Variants in HAGHL observed in about 807,000 individuals in gnomAD.
HAGHL encodes hydroxyacylglutathione hydrolase-like protein.
HAGHL carries 27 observed loss-of-function variants against 29.2 expected under a neutral mutation model. The ratio of observed to expected loss-of-function variants is 0.92; its 90% CI spans 0.68 to 1.27. The LOEUF is 1.27. Ranked by LOEUF, HAGHL falls within the 50% of genes most tolerant of loss-of-function variation. The probability of loss-of-function intolerance (pLI) is 0.00; values close to 1 mark genes in which losing one functional copy is unlikely to be tolerated. For missense variants in HAGHL, 529 were observed against 405.5 expected (o/e 1.30, Z -2.62); for synonymous variants, 223 against 185.7 (o/e 1.20, Z -1.63).
chr16:727,455 C>A lies in HAGHL; in HGVS notation c.-55C>A. Reference sequence around the variant, plus strand: ...GAGCGGGCCCCGCCCTGAAGGGGCACCGTGGGCTGGGGGGCCTGTTTTGGA... The same window carrying A: ...GAGCGGGCCCCGCCCTGAAGGGGCAACGTGGGCTGGGGGGCCTGTTTTGGA... On this transcript the variant is annotated 5_prime_UTR_variant, in exon 1 of 8. Transcript: ENST00000389703. 1.8e-6 allele frequency: 2 copies of A among 1,097,756 alleles called. No homozygotes were observed. The highest frequency in any genetic ancestry group is 2.7e-6 in the Non-Finnish European group (2 of 733,078). 68.0% of individuals were successfully genotyped at this position (1,097,756 alleles called of 1,614,324 possible).
In HAGHL at chr16:728,534, C is replaced by T. The variant is rs374833821; in HGVS notation, c.428C>T (p.Ser143Leu). The part of the protein sequence containing the change: ...GDALSVAGCG[S>L]CLEGSAQQMY... The stretch of plus-strand genomic sequence containing the variant: ...GCGCTGTCGGTGGCCGGCTGCGGCT[C>T]GTGCCTGGAGGGCAGCGCCCAGCAG... Residue 143 changes from serine (S) to leucine (L), a missense_variant, in exon 5 of 8, where the codon TCG becomes TTG. Physicochemically the swap from Ser to Leu is moderately radical, Grantham distance 145. Transcript: ENST00000389703. 2.6e-6 allele frequency: 4 copies of T among 1,529,056 alleles called. No individual in the cohort carries two copies. Among genetic ancestry groups the T allele is most frequent in the East Asian group, 4.9e-5 (2 of 40,676 alleles). 94.7% of individuals were successfully genotyped at this position (1,529,056 alleles called of 1,614,324 possible). A position where few individuals can be genotyped will look rare whatever the true frequency, so the allele number is the denominator to read the frequency against.
chr16:729,513 C>T lies in HAGHL; in HGVS notation c.*57C>T, dbSNP rs886441109. The T allele has an allele frequency of 2.6e-6, 4 of 1,535,858 alleles. No individual in the cohort carries two copies. The highest frequency in any genetic ancestry group is 3.5e-6 in the Non-Finnish European group (4 of 1,146,222). On this transcript the variant is annotated 3_prime_UTR_variant, in exon 8 of 8. Coordinates refer to ENST00000389703, the MANE Select transcript of HAGHL (RefSeq NM_032304.4). ...CGTCCCTCCTCGTGACCTCGGCCAG[C>T]TGGACCCACATGAGGGCCACCTCTG...
chr16:727,771 C>T, intron 1 of HAGHL, 157 bp downstream of exon 1: 1 of 729,858 alleles, frequency 1.4e-6, no homozygotes. Flanking sequence ...GTTACGGCAC[C>T]TCTGGCCTCC....
Position 729,699 on chromosome 16 carries a change from T to A in HAGHL, c.*243T>A. On this transcript the variant is annotated 3_prime_UTR_variant, in exon 8 of 8. Coordinates refer to ENST00000389703, the MANE Select transcript of HAGHL (RefSeq NM_032304.4). ...GCACACGGGGCCTCCGAACTATGAA[T>A]AAAGCTTTGAAAGGCCGTTGTCAGT... The A allele has an allele frequency of 6.8e-7, 1 of 1,476,528 alleles. No individual in the cohort carries two copies. Among genetic ancestry groups the A allele is most frequent in the Non-Finnish European group, 8.9e-7 (1 of 1,118,904 alleles). The allele number at this position is 1,476,528 out of a possible 1,614,324, so 91.5% of individuals were successfully genotyped here. A position where few individuals can be genotyped will look rare whatever the true frequency, so the allele number is the denominator to read the frequency against.
In HAGHL at chr16:728,853, G is replaced by A. The variant is rs150685824; in HGVS notation, c.558G>A (p.Glu186=). The change falls in exon 6 of 8, where the codon GAG becomes GAA. Residue 186 remains glutamate, a synonymous_variant. Coordinates refer to ENST00000389703, the MANE Select transcript of HAGHL (RefSeq NM_032304.4). ...ACCTGGAGTTTGCCCAGAAAGTGGA[G>A]CCCTGCAACGACCACGTGAGAGCCA... ...LSNLEFAQKV[E]PCNDHVRAKL... 3.5e-5 allele frequency: 55 copies of A among 1,579,120 alleles called. No individual in the cohort carries two copies. The African/African-American group carries it at 6.8e-4, about 20-fold the overall frequency.
chr16:728,878 A>C lies in HAGHL; in HGVS notation c.583A>C (p.Lys195Gln). 1 of 1,534,516 alleles carries C rather than the reference A, an allele frequency of 6.5e-7. No homozygotes were observed. The highest frequency in any genetic ancestry group is 8.8e-7 in the Non-Finnish European group (1 of 1,131,938). ...GCCCTGCAACGACCACGTGAGAGCC[A>C]AGCTGTCCTGGGCTAAGGCACGGCC... ...VEPCNDHVRA[K>Q]LSWAKKRDED... is the part of the protein sequence containing the mutation. Residue 195 changes from lysine (K) to glutamine (Q), a missense_variant, in exon 6 of 8, where the codon AAG (lysine) becomes CAG (glutamine). Physicochemically the swap from Lys to Gln is moderately conservative, Grantham distance 53. Coordinates refer to ENST00000389703, the MANE Select transcript of HAGHL (RefSeq NM_032304.4).
Position 729,593 on chromosome 16 carries a change from C to T in HAGHL, c.*137C>T. The T allele has an allele frequency of 1.3e-6, 2 of 1,530,470 alleles. No homozygotes were observed. Among genetic ancestry groups the T allele is most frequent in the South Asian group, 1.2e-5 (1 of 83,016 alleles). The allele number at this position is 1,530,470 out of a possible 1,614,324, so 94.8% of individuals were successfully genotyped here. ...CTGCCCAGCCTCGGAGGGTGGGCAA[C>T]CTGGTGCTTCCCGGGTGGACACACA... On this transcript the variant is annotated 3_prime_UTR_variant, in exon 8 of 8. Coordinates refer to ENST00000389703, the MANE Select transcript of HAGHL (RefSeq NM_032304.4).
At position 729,401 on chromosome 16, in the gene HAGHL, C is replaced by G. The variant is rs2041236525; in HGVS notation, c.794C>G (p.Ala265Gly). The change falls in exon 8 of 8, where the codon GCG becomes GGG. Residue 265 changes from alanine to glycine, a missense_variant. Transcript: ENST00000389703. ...GCGGGCGAGCCGCGGCAGCCACAGGCGCGGGCCCTCCTTGCGCTGCAGTGG... is the reference window on the plus strand; with the variant it reads ...GCGGGCGAGCCGCGGCAGCCACAGGGGCGGGCCCTCCTTGCGCTGCAGTGG... ...EQAGEPRQPQ[A>G]RALLALQWGL... The G allele has an allele frequency of 6.5e-7, 1 of 1,530,004 alleles. No individual in the cohort carries two copies. 94.8% of individuals were successfully genotyped at this position (1,530,004 alleles called of 1,614,324 possible). A position where few individuals can be genotyped will look rare whatever the true frequency, so the allele number is the denominator to read the frequency against.
chr16:728,739 A>T (rs1274399894), intron 5 of HAGHL, 55 bp from the exon 6 acceptor site: 1 of 1,514,388 alleles, frequency 6.6e-7, no homozygotes, highest in African/African-American at 1.4e-5. Flanking sequence ...CCCCGGCGCA[A>T]GCACTTTCCC....
chr16:728,658 C>T (rs866114862), intron 5 of HAGHL, 54 bp downstream of exon 5: 1 of 1,278,478 alleles, frequency 7.8e-7, no homozygotes. Flanking sequence ...CCCCACGCTC[C>T]GCACCCTCAC....
In HAGHL at chr16:728,504, G is replaced by A; in HGVS notation, c.398G>A (p.Gly133Asp). The change falls in exon 5 of 8, where the codon GGC becomes GAC. Residue 133 changes from glycine (G) to aspartate (D), a missense_variant and splice_region_variant. Physicochemically the swap from Gly to Asp is moderately conservative, Grantham distance 94 (BLOSUM62 -1). Coordinates refer to ENST00000389703, the MANE Select transcript of HAGHL (RefSeq NM_032304.4). ...GCTCTGACCCGCCCTCCCCCGCCAG[G>A]CGACGCGCTGTCGGTGGCCGGCTGC... ...DCPDPPALFS[G>D]DALSVAGCGS... The A allele has an allele frequency of 1.3e-6, 2 of 1,529,604 alleles. No homozygotes were observed. The highest frequency in any genetic ancestry group is 1.4e-5 in the African/African-American group (1 of 72,744). The allele number at this position is 1,529,604 out of a possible 1,614,324, so 94.8% of individuals were successfully genotyped here. A position where few individuals can be genotyped will look rare whatever the true frequency, so the allele number is the denominator to read the frequency against.
chr16:728,736 G>C lies in HAGHL; in HGVS notation c.499-58G>C, dbSNP rs1021860967. The stretch of plus-strand genomic sequence containing the variant: ...GGGCAGGGGAGGCCAGGCCCCCGGC[G>C]CAAGCACTTTCCCCGCTTCCTGGCC... On this transcript the variant is annotated intron_variant, in intron 5 of 7. Coordinates refer to ENST00000389703, the MANE Select transcript of HAGHL (RefSeq NM_032304.4). 2.0e-6 allele frequency: 3 copies of C among 1,522,724 alleles called. No individual in the cohort carries two copies. The South Asian group carries it at 3.4e-5, about 17-fold the overall frequency. 94.3% of individuals were successfully genotyped at this position (1,522,724 alleles called of 1,614,324 possible).
rs1221746932 is a variant in HAGHL at position 727,949 on chromosome 16, C to G, written c.106-16C>G. The G allele has an allele frequency of 6.2e-7, 1 of 1,604,530 alleles. No homozygotes were observed. Among genetic ancestry groups the G allele is most frequent in the Non-Finnish European group, 8.5e-7 (1 of 1,176,608 alleles). On this transcript the variant is annotated splice_polypyrimidine_tract_variant and intron_variant, in intron 1 of 7. Coordinates refer to ENST00000389703, the MANE Select transcript of HAGHL (RefSeq NM_032304.4). The stretch of plus-strand genomic sequence containing the variant: ...ACCGGGACCGTCTGTGTTACCGTCA[C>G]TCCCGTCCCTTTCAGCTGCTGGAGA...
At position 727,392 on chromosome 16, in the gene HAGHL, A is replaced by G. The variant is rs2041042852; in HGVS notation, c.-118A>G. The stretch of plus-strand genomic sequence containing the variant: ...TTCTCTTTTGGCCCCCAGCGTGTTG[A>G]CCGAGCCCGCTTCGCACAGCCCTTC... On this transcript the variant is annotated 5_prime_UTR_variant, in exon 1 of 8. Coordinates refer to ENST00000389703, the MANE Select transcript of HAGHL (RefSeq NM_032304.4). 5.0e-6 allele frequency: 3 copies of G among 594,278 alleles called. No individual in the cohort carries two copies. The highest frequency in any genetic ancestry group is 9.1e-6 in the Non-Finnish European group (3 of 329,362). 36.8% of individuals were successfully genotyped at this position (594,278 alleles called of 1,614,324 possible).
In HAGHL at chr16:728,025, C is replaced by A; in HGVS notation, c.166C>A (p.His56Asn). Residue 56 changes from histidine to asparagine, a missense_variant, in exon 2 of 8, where the codon CAC (histidine) becomes AAC (asparagine). By Grantham distance (68) the His-to-Asn change is moderately conservative. Transcript: ENST00000389703. ...SLTAVLTTHH[H>N]WDHARGNPEL... ...GACCGCTGTGCTGACCACCCACCAT[C>A]ACTGGTGAGCGCCGGCGGGGCGCGG... The A allele has an allele frequency of 1.3e-6, 2 of 1,590,378 alleles. No homozygotes were observed. Among genetic ancestry groups the A allele is most frequent in the South Asian group, 1.1e-5 (1 of 88,412 alleles).
chr16:727,391 G>T lies in HAGHL; in HGVS notation c.-119G>T, dbSNP rs934078148. 5.1e-6 allele frequency: 3 copies of T among 592,558 alleles called. No homozygotes were observed. In the South Asian group the frequency reaches 6.3e-5, roughly 12 times the overall value. 36.7% of individuals were successfully genotyped at this position (592,558 alleles called of 1,614,324 possible). ...CTTCTCTTTTGGCCCCCAGCGTGTT[G>T]ACCGAGCCCGCTTCGCACAGCCCTT... On this transcript the variant is annotated 5_prime_UTR_variant, in exon 1 of 8. Coordinates refer to ENST00000389703, the MANE Select transcript of HAGHL (RefSeq NM_032304.4).
In HAGHL at chr16:727,317, C is replaced by T. The variant is rs1408494953; in HGVS notation, c.-193C>T. ...GCCGGGTTCCGCTCCTGCTGGAGCCCGGTGCGTGGAATTCCACGCGAGTGC... is the reference window on the plus strand; with the variant it reads ...GCCGGGTTCCGCTCCTGCTGGAGCCTGGTGCGTGGAATTCCACGCGAGTGC... On this transcript the variant is annotated 5_prime_UTR_variant, in exon 1 of 8. Coordinates refer to ENST00000389703, the MANE Select transcript of HAGHL (RefSeq NM_032304.4). 1.9e-5 allele frequency: 10 copies of T among 517,096 alleles called. No homozygotes were observed. Among genetic ancestry groups the T allele is most frequent in the Non-Finnish European group, 3.1e-5 (9 of 287,142 alleles). The allele number at this position is 517,096 out of a possible 1,614,324, so 32.0% of individuals were successfully genotyped here.
In HAGHL at chr16:727,291, G is replaced by C. The variant is rs1013024364; in HGVS notation, c.-219G>C. The C allele has an allele frequency of 4.2e-6, 2 of 478,714 alleles. No individual in the cohort carries two copies. Among genetic ancestry groups the C allele is most frequent in the Admixed American group, 7.9e-5 (2 of 25,260 alleles). The allele number at this position is 478,714 out of a possible 1,614,324, so 29.7% of individuals were successfully genotyped here. A position where few individuals can be genotyped will look rare whatever the true frequency, so the allele number is the denominator to read the frequency against. ...GCGGAGCCGGGGCTGGTTGGGGACCGGCCGGGTTCCGCTCCTGCTGGAGCC... is the reference window on the plus strand; with the variant it reads ...GCGGAGCCGGGGCTGGTTGGGGACCCGCCGGGTTCCGCTCCTGCTGGAGCC... On this transcript the variant is annotated 5_prime_UTR_variant, in exon 1 of 8. Transcript: ENST00000389703.
chr16:728,091 C>A, intron 2 of HAGHL, 25 bp from the exon 3 acceptor site: 4 of 1,477,886 alleles, frequency 2.7e-6, no homozygotes, highest in Non-Finnish European at 3.6e-6. Context: ...CCGACCTAAC[C>A]CGGCCCCCGC....
Sources: allele counts gnomAD v4.1 joint callset, GRCh38; gene constraint gnomAD v4.1.1; transcripts MANE v1.5; gene names NCBI Gene and HGNC (gene_info 2026-07-23, HGNC 2026-07-21).